Variants in GRHL3 observed in about 807,000 individuals in gnomAD.
GRHL3 encodes the protein grainyhead like transcription factor 3.
In GRHL3, 20 loss-of-function variants were observed where a neutral mutation model predicts 70.3. The ratio of observed to expected loss-of-function variants is 0.28; its 90% CI spans 0.20 to 0.41. The LOEUF (loss-of-function observed/expected upper bound fraction) is 0.41, where lower values mean the gene tolerates loss of function less well. Ranked by LOEUF, GRHL3 falls within the 10% of genes least tolerant of loss-of-function variation. The pLI, the probability that GRHL3 is intolerant of heterozygous loss-of-function variation, is 1.00. For missense variants in GRHL3, 637 were observed against 762.3 expected (o/e 0.84, Z 1.94); for synonymous variants, 299 against 299.9 (o/e 1.00, Z 0.03).
chr1:24,345,011 C>G, intron 12 of GRHL3, 80 bp downstream of exon 12: 3 of 1,410,022 alleles, frequency 2.1e-6, no homozygotes, highest in Non-Finnish European at 3.0e-6. Flanking sequence ...CCTGTGCCTC[C>G]GCCACACCTG....
In GRHL3 at chr1:24,342,534, G is replaced by T. The variant is rs1640083923; in HGVS notation, c.1207-160G>T. On this transcript the variant is annotated intron_variant, in intron 9 of 15. Transcript: ENST00000361548. The surrounding 1 kb of genome is among the most constrained non-coding windows in gnomAD (Gnocchi z 4.8). ...AGCAGGGCCAGGCCCCACTGGCCAG[G>T]CTGGGCCAGGTAAGTGCTGGTACCT... Among the ~76,000 whole-genome samples the T allele has an allele frequency of 6.6e-6, 1 of 152,230 alleles. No individual in the cohort carries two copies. Among genetic ancestry groups the T allele is most frequent in the Admixed American group, 6.5e-5 (1 of 15,290 alleles).
chr1:24,344,929 C>A lies in GRHL3; in HGVS notation c.1452C>A (p.Asn484Lys), dbSNP rs746182160. ...AAPSAGPSSS[N>K]RLPLKRTCSP... is the part of the protein sequence containing the mutation. ...CCTCGGCAGGACCCAGCAGCTCCAACAGGTATGGAGAGAAACAACCACACG... is the reference window on the plus strand; with the variant it reads ...CCTCGGCAGGACCCAGCAGCTCCAAAAGGTATGGAGAGAAACAACCACACG... Residue 484 changes from asparagine (N) to lysine (K), a missense_variant and splice_region_variant, in exon 12 of 16, where the codon AAC (asparagine) becomes AAA (lysine). Asn to Lys is a moderately conservative substitution (Grantham distance 94). This residue lies in a region of GRHL3 where 387 missense variants were observed against 513.8 expected (regional missense o/e 0.75). Transcript: ENST00000361548. 3 of 1,613,470 alleles carry A rather than the reference C, an allele frequency of 1.9e-6. No homozygotes were observed. In the African/African-American group the frequency reaches 4.0e-5, roughly 22 times the overall value.
exon 16 of GRHL3, chr1:24,364,406 G>T: frequency 6.6e-7 from 1 of 1,505,744 alleles, no homozygotes; most frequent in Non-Finnish European, 8.9e-7. Flanking sequence ...AAGGACGACG[G>T]CAGGTCACAT....
At chr1:24,360,815 T>C (rs1641055528) in intron 15 of GRHL3, 3 of 1,547,778 alleles carry the variant, frequency 1.9e-6, no homozygotes, top group East Asian at 2.3e-5. Context: ...TTCCAGAAGA[T>C]TTGGTTTTTA....
rs1557701344 is a variant in GRHL3 at position 24,343,248 on chromosome 1, TA to T, written c.1419+227del. The stretch of plus-strand genomic sequence containing the variant: ...ATGAAGAAACAGATTTCGTAACCAT[TA>T]AAACGTTCATGCTTAGGGCACACAA... On this transcript the variant is annotated intron_variant, in intron 11 of 15. Coordinates refer to ENST00000361548, the MANE Select transcript of GRHL3 (RefSeq NM_198173.3). The T allele has an allele frequency of 7.5e-6, 4 of 534,372 alleles. No individual in the cohort carries two copies. The South Asian group carries it at 8.4e-5, about 11-fold the overall frequency. 33.1% of individuals were successfully genotyped at this position (534,372 alleles called of 1,614,324 possible).
intron 1 of GRHL3, among the ~76,000 whole-genome samples, chr1:24,327,966 A>G (rs1429220813): frequency 6.6e-6 from 1 of 152,226 alleles, no homozygotes; most frequent in Non-Finnish European, 1.5e-5. Flanking sequence ...TCTTAGTTCT[A>G]GAACATGAGG....
chr1:24,338,080 C>T lies in GRHL3; in HGVS notation c.929C>T (p.Ala310Val). The change falls in exon 7 of 16, where the codon GCC (alanine) becomes GTC (valine). Residue 310 changes from alanine (A) to valine (V), a missense_variant. This residue lies in a region of GRHL3 where 387 missense variants were observed against 513.8 expected (regional missense o/e 0.75). Transcript: ENST00000361548. The stretch of plus-strand genomic sequence containing the variant: ...CACTGGCATTCCCGGCAACCCACTG[C>T]CAAGCAGCGGGTCATTGACGTGGGT... ...WKHWHSRQPT[A>V]KQRVIDVADC... 1 of 1,611,630 alleles carries T rather than the reference C, an allele frequency of 6.2e-7. No homozygotes were observed. The highest frequency in any genetic ancestry group is 1.1e-5 in the South Asian group (1 of 90,656).
intron 3 of GRHL3, among the ~76,000 whole-genome samples, chr1:24,335,014 A>AACACACACACACAC (rs35646472): frequency 6.6e-5 from 9 of 136,968 alleles, no homozygotes; most frequent in African/African-American, 2.1e-4. Context: ...TCAGCTTGAA[A>AACACACACACACAC]ACACACACAC....
chr1:24,347,300 G>A (rs1176441604), intron 13 of GRHL3, among the ~76,000 whole-genome samples, 168 bp from the exon 14 acceptor site: 1 of 152,232 alleles, frequency 6.6e-6, no homozygotes, highest in Non-Finnish European at 1.5e-5. Flanking sequence ...CATAAGCACA[G>A]CTTAAGAGGG....
intron 2 of GRHL3, 59 bp downstream of exon 2, chr1:24,331,671 G>GC: frequency 2.7e-6 from 4 of 1,481,214 alleles, no homozygotes; most frequent in Non-Finnish European, 3.7e-6. Context: ...TTCACTTCAG[G>GC]CCTCATGGCT....
intron 1 of GRHL3, among the ~76,000 whole-genome samples, chr1:24,329,518 T>C (rs1639523677): frequency 6.6e-6 from 1 of 152,236 alleles, no homozygotes; most frequent in African/African-American, 2.4e-5. Context: ...TTGTGCTCGA[T>C]AAGGCTGAGT....
chr1:24,348,439 T>C (rs550544251), intron 14 of GRHL3, among the ~76,000 whole-genome samples: 1 of 152,210 alleles, frequency 6.6e-6, no homozygotes, highest in Non-Finnish European at 1.5e-5. Context: ...CTGCTTGTTC[T>C]CTTTACGCAC....
intron 15 of GRHL3, chr1:24,361,003 G>A (rs1002347142): frequency 6.2e-7 from 1 of 1,613,252 alleles, no homozygotes; most frequent in South Asian, 1.1e-5. Context: ...CGGAGGCAGA[G>A]GCGAAGGCTG....
chr1:24,351,472 C>T (rs1009250322), intron 15 of GRHL3, among the ~76,000 whole-genome samples: 1 of 151,928 alleles, frequency 6.6e-6, no homozygotes, highest in East Asian at 1.9e-4. Flanking sequence ...TTCCAAGTTT[C>T]GGTTTCCATC....
intron 13 of GRHL3, 80 bp from the exon 14 acceptor site, chr1:24,347,388 A>G (rs1640331205): frequency 8.0e-7 from 1 of 1,245,374 alleles, no homozygotes; most frequent in South Asian, 1.2e-5. Context: ...TCTTCAAGTA[A>G]CGTTTTCAGA....
At chr1:24,332,304 A>G (rs909898125) in intron 2 of GRHL3, among the ~76,000 whole-genome samples, 2 of 152,032 alleles carry the variant, frequency 1.3e-5, no homozygotes, top group Non-Finnish European at 2.9e-5. Context: ...TCCAGCTGCC[A>G]TTATGTCTTT....
chr1:24,358,169 C>A (rs1429860791), downstream of GRHL3: 1 of 499,090 alleles, frequency 2.0e-6, no homozygotes, highest in African/African-American at 1.9e-5. Flanking sequence ...GGCTTGGCCA[C>A]CTTCAGGGTG....
chr1:24,345,870 T>C (rs1640260569), intron 12 of GRHL3, among the ~76,000 whole-genome samples: 1 of 152,248 alleles, frequency 6.6e-6, no homozygotes, highest in South Asian at 2.1e-4. Flanking sequence ...AAGCACTTTA[T>C]GAAGATCATT....
chr1:24,342,046 G>A lies in GRHL3; in HGVS notation c.1048-69G>A. On this transcript the variant is annotated intron_variant, in intron 8 of 15. Coordinates refer to ENST00000361548, the MANE Select transcript of GRHL3 (RefSeq NM_198173.3). This position sits in a 1 kb window ranked among gnomAD's most constrained non-coding sequence, Gnocchi z 4.8. ...GGCACACAGAAAGCTAGAAATACAG[G>A]ATCACTGTGGGACGGTGGGGCTGGC... 1 of 1,397,536 alleles carries A rather than the reference G, an allele frequency of 7.2e-7. No individual in the cohort carries two copies. 86.6% of individuals were successfully genotyped at this position (1,397,536 alleles called of 1,614,324 possible).
Sources: gnomAD v4.1 joint callset for allele counts (sites outside exome capture counted in the v4.1 genomes callset) on GRCh38, gnomAD v4.1.1 for gene constraint, gnomAD v4.1.1 regional missense constraint, Gnocchi (gnomAD v3.1) non-coding constraint, MANE v1.5 for transcripts, NCBI Gene and HGNC (gene_info 2026-07-23, HGNC 2026-07-21) for gene names.